Variants in BBX observed in about 807,000 individuals in gnomAD.
BBX encodes the protein BBX high mobility group box domain containing, also known as HMG box transcription factor BBX.
A neutral mutation model predicts 100.2 loss-of-function variants in BBX; 30 were observed. The ratio of observed to expected loss-of-function variants is 0.30; its 90% CI spans 0.22 to 0.41. BBX has a LOEUF of 0.41. BBX is among the 10% of genes least tolerant of loss of function. The probability of loss-of-function intolerance (pLI) is 1.00; values close to 1 mark genes in which losing one functional copy is unlikely to be tolerated. For missense variants in BBX, 1,023 were observed against 1,129.8 expected, an observed-to-expected ratio of 0.91 and a Z score of 1.35; for synonymous variants, 376 against 388.1, an observed-to-expected ratio of 0.97 and a Z score of 0.37.
chr3:107,633,814 A>G (rs2056693286), intron 2 of BBX, among the ~76,000 whole-genome samples: 1 of 152,230 alleles, frequency 6.6e-6, no homozygotes, highest in Non-Finnish European at 1.5e-5. Context: ...CTTCCTTAAG[A>G]CCATAAAAGG....
chr3:107,729,789 G>T (rs187142624), intron 6 of BBX, among the ~76,000 whole-genome samples: 1 of 152,150 alleles, frequency 6.6e-6, no homozygotes, highest in Non-Finnish European at 1.5e-5. Context: ...ATATGGAAAG[G>T]TTGGGAAAAG....
At chr3:107,659,374 ATATT>A (rs1192730536) in intron 3 of BBX, among the ~76,000 whole-genome samples, 1 of 151,912 alleles carries the variant, frequency 6.6e-6, no homozygotes, top group East Asian at 1.9e-4. Flanking sequence ...ATATTATATA[ATATT>A]TATATTAACT....
At chr3:107,720,462 G>T (rs146289488) in intron 5 of BBX, among the ~76,000 whole-genome samples, 4 of 151,914 alleles carry the variant, frequency 2.6e-5, no homozygotes, top group African/African-American at 9.7e-5. Flanking sequence ...GAAGGAAAAG[G>T]GTAAGAGTAG....
chr3:107,640,011 T>C (rs1395834957), intron 2 of BBX, among the ~76,000 whole-genome samples: 2 of 152,204 alleles, frequency 1.3e-5, no homozygotes, highest in African/African-American at 4.8e-5. Context: ...TCTAATGAGA[T>C]TACTGACATT....
At position 107,796,315 on chromosome 3, in the gene BBX, A is replaced by T. The variant is rs114377516; in HGVS notation, c.2354-2208A>T. Among the ~76,000 whole-genome samples, 594 of 152,278 alleles carry T rather than the reference A, an allele frequency of 3.9e-3. 5 individuals carry two copies. Among genetic ancestry groups the T allele is most frequent in the African/African-American group, 0.014 (568 of 41,556 alleles). ...CTCCTTGGTTCTTCTTTCCGCAGTC[A>T]GTTCTAATGTAAGATATGATACACC... is the stretch of plus-strand genomic sequence containing the variant. On this transcript the variant is annotated intron_variant, in intron 15 of 17. Coordinates refer to ENST00000325805, the MANE Select transcript of BBX (RefSeq NM_001142568.3).
At chr3:107,789,733 T>A (rs1576821669) in intron 13 of BBX, 54 bp from the exon 14 acceptor site, 1 of 1,265,658 alleles carries the variant, frequency 7.9e-7, no homozygotes, top group African/African-American at 1.5e-5. Flanking sequence ...ATACACAATA[T>A]TTTTTATGAA....
At chr3:107,583,922 A>C (rs1464066877) in intron 2 of BBX, among the ~76,000 whole-genome samples, 1 of 84,862 alleles carries the variant, frequency 1.2e-5, no homozygotes, top group Non-Finnish European at 2.1e-5. Flanking sequence ...ATTATACTTT[A>C]TATATAATAT....
intron 2 of BBX, among the ~76,000 whole-genome samples, chr3:107,617,827 A>G (rs2055409924): frequency 6.6e-6 from 1 of 151,966 alleles, no homozygotes; most frequent in Admixed American, 6.6e-5. Context: ...TTATCATGTC[A>G]TCTGTAAATA....
At chr3:107,570,930 G>A (rs2051306689) in intron 2 of BBX, among the ~76,000 whole-genome samples, 1 of 152,058 alleles carries the variant, frequency 6.6e-6, no homozygotes. Context: ...AGACCCATTT[G>A]CCCATTTTTT....
At chr3:107,755,850 C>T (rs1390921902) in intron 10 of BBX, among the ~76,000 whole-genome samples, 172 bp downstream of exon 10, 1 of 152,110 alleles carries the variant, frequency 6.6e-6, no homozygotes, top group African/African-American at 2.4e-5. Context: ...AATTTTGCTA[C>T]TAAGAGTCAT....
intron 13 of BBX, among the ~76,000 whole-genome samples, chr3:107,780,639 A>C (rs949912496): frequency 9.2e-5 from 14 of 152,138 alleles, no homozygotes; most frequent in African/African-American, 3.1e-4. Context: ...TTCTGCCTTC[A>C]GATTTGTGAA....
chr3:107,667,439 A>G (rs534173322), intron 3 of BBX, among the ~76,000 whole-genome samples: 1 of 152,042 alleles, frequency 6.6e-6, no homozygotes, highest in East Asian at 1.9e-4. Flanking sequence ...TGAAAGCCAT[A>G]TATTCTCTAA....
intron 3 of BBX, among the ~76,000 whole-genome samples, chr3:107,668,683 A>G (rs985799860): frequency 6.6e-5 from 10 of 152,238 alleles, no homozygotes; most frequent in African/African-American, 1.9e-4. Flanking sequence ...TTCAAAATTA[A>G]AGCTCATGGA....
intron 16 of BBX, among the ~76,000 whole-genome samples, chr3:107,800,632 T>C (rs2070344622): frequency 6.6e-6 from 1 of 152,224 alleles, no homozygotes; most frequent in South Asian, 2.1e-4. Context: ...ATGTGCTGTA[T>C]AGGCCATCCT....
chr3:107,594,239 A>AT (rs145261325), intron 2 of BBX, among the ~76,000 whole-genome samples: 1 of 151,814 alleles, frequency 6.6e-6, no homozygotes, highest in African/African-American at 2.4e-5. Flanking sequence ...AGTAGCTGAT[A>AT]TTTTTTCACG....
rs1449843444 is a variant in BBX at position 107,577,685 on chromosome 3, G to A, written c.-84+51287G>A. On this transcript the variant is annotated intron_variant, in intron 2 of 17. Transcript: ENST00000325805. Reference sequence around the variant, plus strand: ...AGCAATTGATAATAAATAGTAAAAGGTAGTTCTTATTGCTGCAGTAATCGT... The same window carrying A: ...AGCAATTGATAATAAATAGTAAAAGATAGTTCTTATTGCTGCAGTAATCGT... 7.9e-5 allele frequency among the ~76,000 whole-genome samples: 12 copies of A among 152,258 alleles called. No individual in the cohort carries two copies. In the South Asian group the frequency reaches 2.3e-3, roughly 29 times the overall value.
At chr3:107,748,366 G>T (rs963809581) in intron 9 of BBX, among the ~76,000 whole-genome samples, 2 of 152,068 alleles carry the variant, frequency 1.3e-5, no homozygotes, top group African/African-American at 2.4e-5. Flanking sequence ...AGAGGCTTTC[G>T]ATTTATTAAA....
In BBX at chr3:107,789,371, C is replaced by T. The variant is rs1285891765; in HGVS notation, c.2204-416C>T. Among the ~76,000 whole-genome samples, 3 of 152,172 alleles carry T rather than the reference C, an allele frequency of 2.0e-5. No homozygotes were observed. In the South Asian group the frequency reaches 6.2e-4, roughly 32 times the overall value. ...CGGGTCAACTGCTGTCCTGAAAGTG[C>T]TATCCTTGTTGTGAAAAGCAGTTTC... is the stretch of plus-strand genomic sequence containing the variant. On this transcript the variant is annotated intron_variant, in intron 13 of 17. Coordinates refer to ENST00000325805, the MANE Select transcript of BBX (RefSeq NM_001142568.3).
intron 7 of BBX, among the ~76,000 whole-genome samples, chr3:107,742,979 CCT>C (rs2064240416): frequency 6.6e-6 from 1 of 152,086 alleles, no homozygotes; most frequent in African/African-American, 2.4e-5. Context: ...GGGTAATTTA[CCT>C]CCTCATAAAT....
Sources: gnomAD v4.1 joint callset for allele counts (sites outside exome capture counted in the v4.1 genomes callset) on GRCh38, gnomAD v4.1.1 for gene constraint, MANE v1.5 for transcripts, NCBI Gene and HGNC (gene_info 2026-07-23, HGNC 2026-07-21) for gene names.